The following CERS6 variants were observed in gnomAD, a reference collection of about 807,000 sequenced individuals.
CERS6 encodes the protein LAG1 homolog, ceramide synthase 6.
CERS6 carries 26 observed loss-of-function variants against 56.8 expected under a neutral mutation model. The ratio of observed to expected loss-of-function variants is 0.46; its 90% CI spans 0.34 to 0.63. CERS6 has a LOEUF of 0.63. Among genes scored for constraint, CERS6 ranks in the 30% least tolerant of loss-of-function variants. CERS6 has a pLI of 0.01. For synonymous variants in CERS6, 164 were observed against 173.3 expected (o/e 0.95, Z 0.42); for missense variants, 415 against 467.5 (o/e 0.89, Z 1.04).
intron 1 of CERS6, among the ~76,000 whole-genome samples, chr2:168,478,014 T>C (rs1351354183): frequency 1.3e-5 from 2 of 152,180 alleles, no homozygotes; most frequent in African/African-American, 2.4e-5. Context: ...TATTTGCTTA[T>C]GTGCTTTGTC....
At chr2:168,724,790 A>G (rs1219435872) in intron 8 of CERS6, among the ~76,000 whole-genome samples, 5 of 152,238 alleles carry the variant, frequency 3.3e-5, no homozygotes, top group Non-Finnish European at 5.9e-5. Flanking sequence ...CTAGACATAA[A>G]GGTTCTCCAA....
chr2:168,645,432 T>C (rs1685176250), intron 4 of CERS6, among the ~76,000 whole-genome samples: 1 of 151,738 alleles, frequency 6.6e-6, no homozygotes, highest in African/African-American at 2.4e-5. Context: ...GAATATAGTT[T>C]TTTGAGTTTG....
At chr2:168,459,550 A>G (rs888890789) in intron 1 of CERS6, among the ~76,000 whole-genome samples, 6 of 152,142 alleles carry the variant, frequency 3.9e-5, no homozygotes, top group Non-Finnish European at 7.4e-5. Context: ...GGTTTTTAGC[A>G]TAGCCTTTAT....
chr2:168,767,617 A>T (rs1162249689), intron 9 of CERS6, among the ~76,000 whole-genome samples: 1 of 152,170 alleles, frequency 6.6e-6, no homozygotes, highest in Non-Finnish European at 1.5e-5. Flanking sequence ...TTACTTCATC[A>T]CCACTGGTTG....
At chr2:168,688,315 G>A (rs947858988) in intron 4 of CERS6, among the ~76,000 whole-genome samples, 25 of 151,994 alleles carry the variant, frequency 1.6e-4, no homozygotes, top group Non-Finnish European at 2.6e-4. Context: ...CTAAAAAACT[G>A]GAAAATTTTT....
chr2:168,464,291 A>G (rs532393787), intron 1 of CERS6, among the ~76,000 whole-genome samples: 12 of 151,548 alleles, frequency 7.9e-5, no homozygotes, highest in Middle Eastern at 3.4e-3. Flanking sequence ...TCCCAGGTTC[A>G]AGTGATTCTC....
intron 6 of CERS6, among the ~76,000 whole-genome samples, chr2:168,697,649 G>T (rs1686689814): frequency 6.6e-6 from 1 of 151,532 alleles, no homozygotes; most frequent in Admixed American, 6.6e-5. Context: ...TAGAGGCTAG[G>T]CTTACCAAGC....
intron 4 of CERS6, among the ~76,000 whole-genome samples, chr2:168,661,892 G>A (rs759547906): frequency 1.3e-5 from 2 of 152,182 alleles, no homozygotes; most frequent in African/African-American, 2.4e-5. Flanking sequence ...TGATAGAAAC[G>A]ATTCTTTCTT....
chr2:168,622,919 T>C (rs1328926260), intron 3 of CERS6, among the ~76,000 whole-genome samples: 2 of 152,232 alleles, frequency 1.3e-5, no homozygotes, highest in African/African-American at 4.8e-5. Context: ...AAAGCTACTC[T>C]AGAAATTTAG....
chr2:168,691,426 C>T (rs1686500118), intron 5 of CERS6, among the ~76,000 whole-genome samples: 1 of 152,148 alleles, frequency 6.6e-6, no homozygotes, highest in Non-Finnish European at 1.5e-5. Context: ...TGACATAGTG[C>T]AGACCTGCCT....
At chr2:168,604,347 G>A (rs1684001327) in intron 3 of CERS6, among the ~76,000 whole-genome samples, 1 of 151,364 alleles carries the variant, frequency 6.6e-6, no homozygotes, top group Admixed American at 6.6e-5. Flanking sequence ...GTAGGGTAGG[G>A]TATGTGTGTG....
At chr2:168,486,519 G>GTTTTTTTTTT (rs200121622) in intron 1 of CERS6, among the ~76,000 whole-genome samples, 1 of 130,974 alleles carries the variant, frequency 7.6e-6, no homozygotes, top group Non-Finnish European at 1.6e-5. Flanking sequence ...TCTAGATTTG[G>GTTTTTTTTTT]TTTTGTTTTT....
At chr2:168,529,356 G>A (rs1277018271) in intron 1 of CERS6, among the ~76,000 whole-genome samples, 1 of 152,158 alleles carries the variant, frequency 6.6e-6, no homozygotes, top group Non-Finnish European at 1.5e-5. Flanking sequence ...TGGAGTTGGT[G>A]ACTCTGTTTT....
chr2:168,604,023 C>T (rs1015933139), intron 3 of CERS6, among the ~76,000 whole-genome samples: 1 of 152,064 alleles, frequency 6.6e-6, no homozygotes, highest in Non-Finnish European at 1.5e-5. Context: ...TTATGGAGAA[C>T]TGTTATTAGA....
chr2:168,674,436 G>T (rs1357335820), intron 4 of CERS6, among the ~76,000 whole-genome samples: 1 of 152,172 alleles, frequency 6.6e-6, no homozygotes, highest in Admixed American at 6.5e-5. Flanking sequence ...GATTTGACTG[G>T]TTTTTGGCTT....
chr2:168,644,736 G>A (rs972040042), intron 4 of CERS6, among the ~76,000 whole-genome samples: 1 of 152,130 alleles, frequency 6.6e-6, no homozygotes, highest in African/African-American at 2.4e-5. Flanking sequence ...ACCAGGCACT[G>A]AAGAGGTAAG....
At chr2:168,572,219 A>G (rs10803833) in intron 3 of CERS6, among the ~76,000 whole-genome samples, 125,195 of 152,154 alleles carry the variant, frequency 0.82, 52,190 homozygotes, top group South Asian at 0.95. Flanking sequence ...ATATTAGTAT[A>G]TAATAGGTTT....
At chr2:168,747,594 A>T (rs1319390419) in intron 8 of CERS6, among the ~76,000 whole-genome samples, 1 of 152,190 alleles carries the variant, frequency 6.6e-6, no homozygotes, top group Non-Finnish European at 1.5e-5. Flanking sequence ...GATTTCAGCT[A>T]CTTGTACCCT....
intron 3 of CERS6, among the ~76,000 whole-genome samples, chr2:168,567,777 G>A (rs1040243214): frequency 3.3e-5 from 5 of 152,228 alleles, no homozygotes; most frequent in Non-Finnish European, 4.4e-5. Flanking sequence ...GAATAGTTCT[G>A]TAATTGGTGT....
Sources: gnomAD v4.1 joint callset for allele counts (sites outside exome capture counted in the v4.1 genomes callset) on GRCh38, gnomAD v4.1.1 for gene constraint, MANE v1.5 for transcripts, NCBI Gene and HGNC (gene_info 2026-07-23, HGNC 2026-07-21) for gene names.